The following CNBD1 variants were observed in gnomAD, a reference collection of about 807,000 sequenced individuals.
The protein encoded by CNBD1 is cyclic nucleotide-binding domain-containing protein 1.
CNBD1 carries 71 observed loss-of-function variants against 54.4 expected under a neutral mutation model. That is an observed-to-expected ratio of 1.30 (90% CI 1.08 to 1.59). The LOEUF is 1.59. Among genes scored for constraint, CNBD1 ranks in the 40% most tolerant of loss-of-function variants. The pLI is 0.00. For synonymous variants in CNBD1, 182 were observed against 170.7 expected, an observed-to-expected ratio of 1.07 and a Z score of -0.51; for missense variants, 659 against 518.0, an observed-to-expected ratio of 1.27 and a Z score of -2.64.
At chr8:87,229,321 G>A (rs997433186) in intron 5 of CNBD1, among the ~76,000 whole-genome samples, 3 of 151,856 alleles carry the variant, frequency 2.0e-5, no homozygotes, top group Admixed American at 6.6e-5. Context: ...ACATGAAATC[G>A]TTTTATGTAT....
intron 4 of CNBD1, among the ~76,000 whole-genome samples, chr8:87,009,857 G>A (rs1809179047): frequency 6.6e-6 from 1 of 152,084 alleles, no homozygotes; most frequent in Non-Finnish European, 1.5e-5. Flanking sequence ...ATTCTAAGAT[G>A]CAATAATTTT....
At chr8:87,221,774 A>G (rs1265792365) in intron 5 of CNBD1, among the ~76,000 whole-genome samples, 1 of 152,176 alleles carries the variant, frequency 6.6e-6, no homozygotes, top group Non-Finnish European at 1.5e-5. Context: ...TCAAAATAAA[A>G]TGAAATAAAT....
chr8:87,174,253 T>G (rs1017095252), intron 4 of CNBD1, among the ~76,000 whole-genome samples: 3 of 152,098 alleles, frequency 2.0e-5, no homozygotes, highest in African/African-American at 7.2e-5. Flanking sequence ...CCACCACGCC[T>G]GGCCTCTTTT....
intron 4 of CNBD1, among the ~76,000 whole-genome samples, chr8:87,104,745 A>G (rs965399796): frequency 2.0e-5 from 3 of 152,214 alleles, no homozygotes; most frequent in Non-Finnish European, 4.4e-5. Context: ...GTATATATTT[A>G]TATGACTTTT....
chr8:86,978,436 G>C (rs1156470431), intron 4 of CNBD1, among the ~76,000 whole-genome samples: 1 of 150,554 alleles, frequency 6.6e-6, no homozygotes, highest in Admixed American at 6.6e-5. Context: ...TTAAAGTTAA[G>C]ATTGACCACA....
intron 8 of CNBD1, among the ~76,000 whole-genome samples, chr8:87,330,836 A>G (rs933021599): frequency 6.6e-6 from 1 of 152,276 alleles, no homozygotes; most frequent in Non-Finnish European, 1.5e-5. Flanking sequence ...ATGAATTAGA[A>G]TTTAACTGTG....
intron 4 of CNBD1, among the ~76,000 whole-genome samples, chr8:87,171,277 T>C (rs1176212201): frequency 6.6e-6 from 1 of 152,162 alleles, no homozygotes; most frequent in Non-Finnish European, 1.5e-5. Context: ...AATTTTGTCA[T>C]ATCTTCTAGA....
At chr8:87,263,461 G>A (rs1321185261) in intron 6 of CNBD1, among the ~76,000 whole-genome samples, 1 of 151,906 alleles carries the variant, frequency 6.6e-6, no homozygotes, top group African/African-American at 2.4e-5. Context: ...TCCTTAAAGA[G>A]GTGACTAAGA....
chr8:87,416,845 C>T (rs1462989769), intron 2 of CNBD1, among the ~76,000 whole-genome samples: 1 of 151,928 alleles, frequency 6.6e-6, no homozygotes, highest in Admixed American at 6.6e-5. Context: ...AACTACAGAT[C>T]AACATTTTAT....
chr8:87,392,049 A>G (rs567978383), intron 2 of CNBD1, among the ~76,000 whole-genome samples: 1 of 152,208 alleles, frequency 6.6e-6, no homozygotes, highest in African/African-American at 2.4e-5. Flanking sequence ...AAGCACAGAA[A>G]AAGGTACTCA....
chr8:87,215,984 T>C (rs1814201422), intron 5 of CNBD1, among the ~76,000 whole-genome samples: 6 of 152,198 alleles, frequency 3.9e-5, no homozygotes. Flanking sequence ...AATCATACAA[T>C]ATGTGACCTT....
chr8:87,021,445 C>A (rs563469266), intron 4 of CNBD1, among the ~76,000 whole-genome samples: 2 of 152,294 alleles, frequency 1.3e-5, no homozygotes, highest in Non-Finnish European at 2.9e-5. Context: ...TATTTGGGAG[C>A]AATCTTTCTT....
rs574022173 is a variant in CNBD1, at chr8:86,958,310, G to C, written c.431+18556G>C. On this transcript the variant is annotated intron_variant, in intron 4 of 10. Coordinates refer to ENST00000518476, the MANE Select transcript of CNBD1 (RefSeq NM_173538.3). Reference sequence around the variant, plus strand: ...CTGAGAAAAGAGTGTATATTCTGTTGATTTGGCATGGAGAGTTCTGTAGGT... The same window carrying C: ...CTGAGAAAAGAGTGTATATTCTGTTCATTTGGCATGGAGAGTTCTGTAGGT... Among the ~76,000 whole-genome samples, 13 of 152,310 alleles carry C rather than the reference G, an allele frequency of 8.5e-5. No homozygotes were observed. In the East Asian group the frequency reaches 9.6e-4, roughly 11 times the overall value.
chr8:86,890,590 G>A (rs552020420), intron 2 of CNBD1, among the ~76,000 whole-genome samples: 2 of 152,048 alleles, frequency 1.3e-5, no homozygotes, highest in Admixed American at 6.5e-5. Flanking sequence ...CAGTTTCTTT[G>A]GATACATACC....
rs1563482928 is a variant in CNBD1, at chr8:87,137,120, T to TATATGTAAATTATATATATATA, written c.432-68873_432-68872insATATGTAAATTATATATATATA. On this transcript the variant is annotated intron_variant, in intron 4 of 10. Coordinates refer to ENST00000518476, the MANE Select transcript of CNBD1 (RefSeq NM_173538.3). ...TATATGTAAATTATATATATTATAT[T>TATATGTAAATTATATATATATA]TTTATTATATATAAATTATATATAT... 3.2e-4 allele frequency among the ~76,000 whole-genome samples: 42 copies of TATATGTAAATTATATATATATA among 132,342 alleles called. 1 individual carries two copies. The highest frequency in any genetic ancestry group is 4.5e-4 in the South Asian group (2 of 4,414). 86.8% of individuals were successfully genotyped at this position (132,342 alleles called of 152,430 possible).
intron 5 of CNBD1, among the ~76,000 whole-genome samples, chr8:87,223,847 C>T (rs1252298808): frequency 6.6e-6 from 1 of 152,096 alleles, no homozygotes; most frequent in Non-Finnish European, 1.5e-5. Flanking sequence ...AACTAGTTTA[C>T]AGTCCCACCA....
chr8:87,352,654 G>A (rs953544301), intron 9 of CNBD1, among the ~76,000 whole-genome samples: 3 of 152,010 alleles, frequency 2.0e-5, no homozygotes, highest in Admixed American at 1.3e-4. Context: ...TACTATGTAG[G>A]GCCAAAATGC....
chr8:87,403,130 A>T (rs1453965671), intron 2 of CNBD1, among the ~76,000 whole-genome samples: 2 of 30,774 alleles, frequency 6.5e-5, no homozygotes, highest in East Asian at 3.5e-4. Context: ...CATAGAAAAT[A>T]AAAAAAAAAT....
chr8:87,064,533 A>T (rs1203777182), intron 4 of CNBD1, among the ~76,000 whole-genome samples: 1 of 151,688 alleles, frequency 6.6e-6, no homozygotes. Flanking sequence ...TTATATTTTA[A>T]AATTTAAAGG....
Sources: gnomAD v4.1 joint callset for allele counts (sites outside exome capture counted in the v4.1 genomes callset) on GRCh38, gnomAD v4.1.1 for gene constraint, MANE v1.5 for transcripts, NCBI Gene and HGNC (gene_info 2026-07-23, HGNC 2026-07-21) for gene names.